Variants in CTNND2 observed in about 807,000 individuals in gnomAD.
The protein encoded by CTNND2 is catenin delta 2, also known as catenin delta-2.
Under a neutral mutation model 144.4 loss-of-function variants are expected in CTNND2, and 22 were observed. The observed-to-expected ratio is 0.15, with a 90% CI of 0.11 to 0.22. CTNND2 has a LOEUF of 0.22. Among genes scored for constraint, CTNND2 ranks in the 10% least tolerant of loss-of-function variants. CTNND2 has a pLI of 1.00. For synonymous variants in CTNND2, 751 were observed against 695.6 expected, an observed-to-expected ratio of 1.08 and a Z score of -1.25; for missense variants, 1,353 against 1,618.8, an observed-to-expected ratio of 0.84 and a Z score of 2.82.
At chr5:11,363,053 C>T (rs925270562) in intron 8 of CTNND2, among the ~76,000 whole-genome samples, 3 of 152,168 alleles carry the variant, frequency 2.0e-5, no homozygotes, top group Non-Finnish European at 2.9e-5. Flanking sequence ...ATTTTTCCCC[C>T]CAATCATTTA....
intron 1 of CTNND2, among the ~76,000 whole-genome samples, chr5:11,788,276 A>G (rs1790937956): frequency 1.3e-5 from 2 of 152,074 alleles, no homozygotes; most frequent in South Asian, 4.1e-4. Flanking sequence ...AAATCAGTCT[A>G]ATAACTTCTT....
chr5:11,076,971 A>G lies in CTNND2; in HGVS notation c.2788+5725T>C, dbSNP rs554946545. 1.9e-3 allele frequency among the ~76,000 whole-genome samples: 293 copies of G among 152,336 alleles called. 2 individuals are homozygous for G. The highest frequency in any genetic ancestry group is 6.5e-3 in the African/African-American group (269 of 41,576). On this transcript the variant is annotated intron_variant, in intron 16 of 21. Coordinates refer to ENST00000304623, the MANE Select transcript of CTNND2 (RefSeq NM_001332.4). ...GTGTCTGCATGCATCTAGTAAATTT[A>G]TAGAGAAAAGAAACTGGCTGTTTGA... is the stretch of plus-strand genomic sequence containing the variant.
At chr5:11,754,690 T>A (rs182263924) in intron 1 of CTNND2, among the ~76,000 whole-genome samples, 22 of 151,974 alleles carry the variant, frequency 1.4e-4, no homozygotes, top group Admixed American at 1.2e-3. Flanking sequence ...GTTGAGTTGA[T>A]CCTTTTACCA....
intron 11 of CTNND2, among the ~76,000 whole-genome samples, chr5:11,178,237 G>A (rs1760663303): frequency 6.6e-6 from 1 of 152,218 alleles, no homozygotes; most frequent in African/African-American, 2.4e-5. Flanking sequence ...ATGAGCATCA[G>A]TGAATACCAA....
At chr5:11,837,190 C>T (rs1465729677) in intron 1 of CTNND2, among the ~76,000 whole-genome samples, 1 of 152,036 alleles carries the variant, frequency 6.6e-6, no homozygotes, top group Non-Finnish European at 1.5e-5. Context: ...ATTATGATTC[C>T]AATATTTACT....
intron 2 of CTNND2, among the ~76,000 whole-genome samples, chr5:11,653,441 G>A (rs1782750826): frequency 6.6e-6 from 1 of 152,044 alleles, no homozygotes; most frequent in African/African-American, 2.4e-5. Flanking sequence ...ACAGATGTGA[G>A]GTGGTATCTC....
At chr5:11,531,327 C>A (rs534316768) in intron 3 of CTNND2, among the ~76,000 whole-genome samples, 2 of 152,114 alleles carry the variant, frequency 1.3e-5, no homozygotes, top group African/African-American at 4.8e-5. Context: ...ACACAGTGAG[C>A]TAAAAAAGAC....
chr5:11,773,707 T>G (rs559268813), intron 1 of CTNND2, among the ~76,000 whole-genome samples: 12 of 148,860 alleles, frequency 8.1e-5, no homozygotes, highest in African/African-American at 3.0e-4. Flanking sequence ...CTACTTTGGG[T>G]GGCTGAGGCA....
chr5:11,547,953 T>C (rs1775390153), intron 3 of CTNND2, among the ~76,000 whole-genome samples: 1 of 152,146 alleles, frequency 6.6e-6, no homozygotes, highest in Admixed American at 6.5e-5. Context: ...TCCCTAGCGA[T>C]ATATTTACAG....
intron 1 of CTNND2, among the ~76,000 whole-genome samples, chr5:11,822,901 T>C (rs1350194046): frequency 6.6e-6 from 1 of 152,168 alleles, no homozygotes; most frequent in Non-Finnish European, 1.5e-5. Flanking sequence ...AGAATCCATC[T>C]AAGCCATGTC....
chr5:11,283,986 C>T (rs1282811169), intron 9 of CTNND2, among the ~76,000 whole-genome samples: 1 of 152,140 alleles, frequency 6.6e-6, no homozygotes, highest in Non-Finnish European at 1.5e-5. Context: ...AACATGTGGG[C>T]TATTAGCAAC....
chr5:11,462,597 G>A (rs1232513826), intron 3 of CTNND2, among the ~76,000 whole-genome samples: 2 of 151,796 alleles, frequency 1.3e-5, no homozygotes, highest in East Asian at 1.9e-4. Context: ...AGGTTACGAT[G>A]AGGAGAAAGC....
chr5:11,656,826 T>C (rs117645855), intron 2 of CTNND2, among the ~76,000 whole-genome samples: 2,039 of 152,182 alleles, frequency 0.013, 19 homozygotes, highest in East Asian at 0.057. Flanking sequence ...GGTTCTGAAA[T>C]CAGTATAAAG....
chr5:11,345,536 A>G (rs1167838862), intron 9 of CTNND2, among the ~76,000 whole-genome samples: 1 of 152,202 alleles, frequency 6.6e-6, no homozygotes, highest in Non-Finnish European at 1.5e-5. Context: ...TCCATCAGTG[A>G]AAATTCCTTG....
intron 3 of CTNND2, among the ~76,000 whole-genome samples, chr5:11,492,411 G>C (rs1318972534): frequency 6.6e-6 from 1 of 151,964 alleles, no homozygotes; most frequent in Non-Finnish European, 1.5e-5. Context: ...GTAAATATCA[G>C]AAAATGCATA....
chr5:11,564,885 C>G, intron 3 of CTNND2, 59 bp downstream of exon 3: 3 of 1,190,604 alleles, frequency 2.5e-6, no homozygotes, highest in Non-Finnish European at 3.7e-6. Flanking sequence ...AGAGAAACAT[C>G]ACGATTTACT....
intron 9 of CTNND2, among the ~76,000 whole-genome samples, chr5:11,262,761 C>CAAAAAA (rs11289676): frequency 3.5e-3 from 160 of 45,692 alleles, no homozygotes; most frequent in Admixed American, 4.5e-3. Context: ...GACTCTGTCT[C>CAAAAAA]AAAAAAAAAA....
chr5:11,863,790 C>A (rs1484639387), intron 1 of CTNND2, among the ~76,000 whole-genome samples: 2 of 152,088 alleles, frequency 1.3e-5, no homozygotes, highest in African/African-American at 2.4e-5. Flanking sequence ...AGATAATAGG[C>A]AATTTAACAG....
Position 11,794,390 on chromosome 5 carries a change from G to A in CTNND2, c.38-62118C>T, listed in dbSNP as rs534827930. 7.2e-5 allele frequency among the ~76,000 whole-genome samples: 11 copies of A among 152,264 alleles called. No individual in the cohort carries two copies. The South Asian group carries it at 1.2e-3, about 17-fold the overall frequency. ...AACACAATAGCTACTGATAAAAGGC[G>A]TTATATAATTAGGTGATAAATTGTG... On this transcript the variant is annotated intron_variant, in intron 1 of 21. Transcript: ENST00000304623.
Sources: allele counts gnomAD v4.1 joint callset (sites outside exome capture counted in the v4.1 genomes callset), GRCh38; gene constraint gnomAD v4.1.1; transcripts MANE v1.5; gene names NCBI Gene and HGNC (gene_info 2026-07-23, HGNC 2026-07-21).